Variants in NAALADL2 observed in about 807,000 individuals in gnomAD.
NAALADL2 encodes the protein N-acetylated alpha-linked acidic dipeptidase like 2.
Under a neutral mutation model 87.2 loss-of-function variants are expected in NAALADL2, and 76 were observed. That is an observed-to-expected ratio of 0.87 (90% CI 0.72 to 1.05). The LOEUF (loss-of-function observed/expected upper bound fraction) is 1.05, where lower values mean the gene tolerates loss of function less well. Ranked by LOEUF, NAALADL2 falls within the 50% of genes least tolerant of loss-of-function variation. The probability of loss-of-function intolerance (pLI) is 0.00; values close to 1 mark genes in which losing one functional copy is unlikely to be tolerated. For missense variants in NAALADL2, 1,089 were observed against 945.8 expected (o/e 1.15, Z -1.99); for synonymous variants, 354 against 331.0 (o/e 1.07, Z -0.75).
chr3:175,799,976 A>G (rs376661623), intron 13 of NAALADL2, among the ~76,000 whole-genome samples: 1 of 152,326 alleles, frequency 6.6e-6, no homozygotes. Context: ...CCGAGTATAC[A>G]GGGGAATCTA....
intron 10 of NAALADL2, among the ~76,000 whole-genome samples, chr3:175,621,292 C>G (rs1223858569): frequency 2.6e-5 from 4 of 152,142 alleles, no homozygotes; most frequent in African/African-American, 9.7e-5. Context: ...GTTAATTTTC[C>G]TAAGGCAACA....
At position 175,805,197 on chromosome 3, in the gene NAALADL2, A is replaced by G. The variant is rs1754593263; in HGVS notation, c.*1994A>G. 1 of 151,972 alleles carries G rather than the reference A, an allele frequency of 6.6e-6. No individual in the cohort carries two copies. The highest frequency in any genetic ancestry group is 2.1e-4 in the South Asian group (1 of 4,834). 9.4% of individuals were successfully genotyped at this position (151,972 alleles called of 1,614,324 possible). A position where few individuals can be genotyped will look rare whatever the true frequency, so the allele number is the denominator to read the frequency against. ...CTAAAACAAATAAAGGCAAGCTATT[A>G]TCAGTTTGGTAGTTCATTATTTTAG... On this transcript the variant is annotated 3_prime_UTR_variant, in exon 14 of 14. Transcript: ENST00000454872.
intron 3 of NAALADL2, among the ~76,000 whole-genome samples, chr3:174,786,056 C>T (rs1375030726): frequency 6.6e-6 from 1 of 152,088 alleles, no homozygotes; most frequent in African/African-American, 2.4e-5. Context: ...TTAACTGGTA[C>T]CAAAAGGCCA....
intron 3 of NAALADL2, among the ~76,000 whole-genome samples, chr3:174,844,279 G>C (rs958832785): frequency 2.6e-5 from 4 of 152,148 alleles, no homozygotes; most frequent in Admixed American, 2.0e-4. Flanking sequence ...ATTGGTACCT[G>C]TGTTGAAAAT....
chr3:175,623,774 G>A (rs1726582381), intron 10 of NAALADL2, among the ~76,000 whole-genome samples: 1 of 151,950 alleles, frequency 6.6e-6, no homozygotes, highest in South Asian at 2.1e-4. Flanking sequence ...CAGAGCCATA[G>A]GTGATATCAA....
intron 2 of NAALADL2, among the ~76,000 whole-genome samples, chr3:175,110,386 TAAAC>T (rs1291852751): frequency 2.6e-5 from 4 of 151,834 alleles, no homozygotes; most frequent in African/African-American, 7.2e-5. Context: ...ACATGGAAAT[TAAAC>T]AAAGATGTTA....
rs1053308454 is a variant in NAALADL2 at position 175,177,658 on chromosome 3, G to A, written c.546-56273G>A. ...GAGCATCTATCGTATAACATACTCT[G>A]ACTTTTTATTTCAGGTAACAACAAA... is the stretch of plus-strand genomic sequence containing the variant. On this transcript the variant is annotated intron_variant, in intron 2 of 13. Coordinates refer to ENST00000454872, the MANE Select transcript of NAALADL2 (RefSeq NM_207015.3). Among the ~76,000 whole-genome samples the A allele has an allele frequency of 5.3e-5, 8 of 152,134 alleles. No homozygotes were observed. In the East Asian group the frequency reaches 9.7e-4, roughly 18 times the overall value.
At chr3:175,716,988 GA>G (rs1322693447) in intron 11 of NAALADL2, among the ~76,000 whole-genome samples, 1 of 152,124 alleles carries the variant, frequency 6.6e-6, no homozygotes, top group African/African-American at 2.4e-5. Context: ...TACCAAACCT[GA>G]GCTGTAATTT....
rs551313339 is a variant in NAALADL2, at chr3:174,441,394, C to A, written c.-184+362C>A. Among the ~76,000 whole-genome samples the A allele has an allele frequency of 1.7e-3, 259 of 152,302 alleles. 1 individual carries two copies. The highest frequency in any genetic ancestry group is 6.1e-3 in the African/African-American group (253 of 41,580). ...GAGAGGAGCGTAGCAGCTCCGAGTC[C>A]CCGCTTCTGACACGTTCACACACGT... On this transcript the variant is annotated intron_variant, in intron 1 of 3. Transcript: ENST00000434257.
intron 1 of NAALADL2, among the ~76,000 whole-genome samples, chr3:175,024,605 ATAT>A (rs1481039107): frequency 6.6e-6 from 1 of 152,148 alleles, no homozygotes; most frequent in East Asian, 1.9e-4. Context: ...TATTCTTAGA[ATAT>A]TATTGTATGC....
At chr3:175,278,720 G>A (rs13067238) in intron 4 of NAALADL2, among the ~76,000 whole-genome samples, 46,510 of 152,052 alleles carry the variant, frequency 0.31, 8,839 homozygotes, top group Non-Finnish European at 0.42. Context: ...GTAGCATTAT[G>A]TTCACTGTGC....
At chr3:174,896,414 C>G (rs1450815495) in intron 1 of NAALADL2, among the ~76,000 whole-genome samples, 1 of 151,894 alleles carries the variant, frequency 6.6e-6, no homozygotes, top group African/African-American at 2.4e-5. Context: ...AAGGTAATAC[C>G]ATTTACAATA....
chr3:175,111,790 A>G (rs1488699830), intron 2 of NAALADL2, among the ~76,000 whole-genome samples: 1 of 151,556 alleles, frequency 6.6e-6, no homozygotes, highest in Admixed American at 6.6e-5. Flanking sequence ...ACATATATTC[A>G]TATTCCCTGT....
chr3:175,018,718 G>T (rs1751176395), intron 1 of NAALADL2, among the ~76,000 whole-genome samples: 1 of 151,986 alleles, frequency 6.6e-6, no homozygotes, highest in Admixed American at 6.6e-5. Context: ...ATTGTTCTGT[G>T]GTCTTCCATG....
chr3:175,694,512 C>T (rs1179830576), intron 11 of NAALADL2, among the ~76,000 whole-genome samples: 2 of 152,060 alleles, frequency 1.3e-5, no homozygotes, highest in African/African-American at 4.8e-5. Flanking sequence ...TTTGGTTGCT[C>T]ATTCTTGTTA....
At chr3:174,940,108 T>C (rs1738351514) in intron 1 of NAALADL2, among the ~76,000 whole-genome samples, 1 of 152,178 alleles carries the variant, frequency 6.6e-6, no homozygotes, top group Admixed American at 6.5e-5. Flanking sequence ...TGGGGAATAC[T>C]TCCAGCTTTT....
At chr3:174,662,523 A>C (rs1448551897) in intron 2 of NAALADL2, among the ~76,000 whole-genome samples, 12 of 152,190 alleles carry the variant, frequency 7.9e-5, no homozygotes, top group African/African-American at 2.9e-4. Flanking sequence ...AGTCGTTGAG[A>C]TGCAAAGGAA....
chr3:174,521,040 G>T (rs958301820), intron 1 of NAALADL2, among the ~76,000 whole-genome samples: 1 of 152,122 alleles, frequency 6.6e-6, no homozygotes, highest in Non-Finnish European at 1.5e-5. Flanking sequence ...GCAGAGAAAA[G>T]GGAACACAAA....
At chr3:175,460,764 A>G (rs1054854810) in intron 6 of NAALADL2, among the ~76,000 whole-genome samples, 1 of 152,186 alleles carries the variant, frequency 6.6e-6, no homozygotes, top group Non-Finnish European at 1.5e-5. Flanking sequence ...TGGTAAAATT[A>G]GAGTGGGACT....
Sources: allele counts gnomAD v4.1 joint callset (sites outside exome capture counted in the v4.1 genomes callset), GRCh38; gene constraint gnomAD v4.1.1; transcripts MANE v1.5; gene names NCBI Gene and HGNC (gene_info 2026-07-23, HGNC 2026-07-21).